Variants in USP53 observed in about 807,000 individuals in gnomAD.
The protein encoded by USP53 is ubiquitin carboxyl-terminal hydrolase 53.
A neutral mutation model predicts 94.9 loss-of-function variants in USP53; 71 were observed. The ratio of observed to expected loss-of-function variants is 0.75; its 90% confidence interval spans 0.62 to 0.91. The LOEUF is 0.91. Among genes scored for constraint, USP53 ranks in the 40% least tolerant of loss-of-function variants. The probability of loss-of-function intolerance (pLI) is 0.00; values close to 1 mark genes in which losing one functional copy is unlikely to be tolerated. For synonymous variants in USP53, 375 were observed against 422.7 expected (o/e 0.89, Z 1.39); for missense variants, 1,173 against 1,281.0 (o/e 0.92, Z 1.29).
At chr4:119,225,473 G>T (rs540518625) in intron 3 of USP53, among the ~76,000 whole-genome samples, 38 of 152,254 alleles carry the variant, frequency 2.5e-4, no homozygotes, top group African/African-American at 8.9e-4. Context: ...ACAGCCAGGC[G>T]TGGTGGCTCA....
intron 17 of USP53, among the ~76,000 whole-genome samples, chr4:119,277,716 T>C: frequency 6.9e-6 from 1 of 145,600 alleles, no homozygotes; most frequent in Middle Eastern, 3.2e-3. Flanking sequence ...AGTCTCCCAT[T>C]ATTAATGTGT....
intron 12 of USP53, among the ~76,000 whole-genome samples, chr4:119,262,421 A>G (rs1400772499): frequency 6.6e-6 from 1 of 152,236 alleles, no homozygotes; most frequent in Non-Finnish European, 1.5e-5. Context: ...AACTGCCAAC[A>G]GCCTACTATT....
chr4:119,236,936 A>G (rs1746844348), intron 4 of USP53, among the ~76,000 whole-genome samples: 1 of 152,152 alleles, frequency 6.6e-6, no homozygotes, highest in Non-Finnish European at 1.5e-5. Flanking sequence ...GCCCAGTTCC[A>G]TCAGAGGAAT....
rs1015544948 is a variant in USP53, at chr4:119,294,122, C to T, written c.*911C>T. 18 of 151,888 alleles carry T rather than the reference C, an allele frequency of 1.2e-4. No homozygotes were observed. Among genetic ancestry groups the T allele is most frequent in the African/African-American group, 4.4e-4 (18 of 41,366 alleles). 9.4% of individuals were successfully genotyped at this position (151,888 alleles called of 1,614,324 possible). On this transcript the variant is annotated 3_prime_UTR_variant, in exon 19 of 19. Transcript: ENST00000692078. The stretch of plus-strand genomic sequence containing the variant: ...AAGGTCTTTATTTTGGTTTGGTTTA[C>T]TTTGGGCTGCTAACCACCAGTGTTA...
At position 119,239,674 on chromosome 4, in the gene USP53, A is replaced by G. The variant is rs1747254289; in HGVS notation, c.-86A>G. The G allele has an allele frequency of 2.2e-5, 32 of 1,436,098 alleles. No individual in the cohort carries two copies. The highest frequency in any genetic ancestry group is 3.0e-5 in the Non-Finnish European group (32 of 1,072,422). 89.0% of individuals were successfully genotyped at this position (1,436,098 alleles called of 1,614,324 possible). On this transcript the variant is annotated 5_prime_UTR_variant, in exon 5 of 19. Coordinates refer to ENST00000692078, the MANE Select transcript of USP53 (RefSeq NM_001371395.1). ...AATAGACTGCAGTGGATTTAATTGG[A>G]CAATTCAAGACATCCATTTTATTGT...
In USP53 at chr4:119,260,658, C is replaced by G. The variant is rs371877998; in HGVS notation, c.822+5C>G. 4 of 1,611,238 alleles carry G rather than the reference C, an allele frequency of 2.5e-6. No homozygotes were observed. The highest frequency in any genetic ancestry group is 1.6e-4 in the Middle Eastern group (1 of 6,064). On this transcript the variant is annotated splice_donor_5th_base_variant and intron_variant, in intron 11 of 18. Transcript: ENST00000692078. Reference sequence around the variant, plus strand: ...ACACATCTTTATCTTCCTGGGGTATCTTATCTATTTTCATTCCCTTCCCTT... The same window carrying G: ...ACACATCTTTATCTTCCTGGGGTATGTTATCTATTTTCATTCCCTTCCCTT...
In USP53 at chr4:119,293,446, T is replaced by C. The variant is rs1754990971; in HGVS notation, c.*235T>C. On this transcript the variant is annotated 3_prime_UTR_variant, in exon 19 of 19. Coordinates refer to ENST00000692078, the MANE Select transcript of USP53 (RefSeq NM_001371395.1). Reference sequence around the variant, plus strand: ...ATCACTATACATATGTATGTGTATATGTGTATACACATATATAATTTTATG... The same window carrying C: ...ATCACTATACATATGTATGTGTATACGTGTATACACATATATAATTTTATG... 2 of 427,264 alleles carry C rather than the reference T, an allele frequency of 4.7e-6. No homozygotes were observed. The highest frequency in any genetic ancestry group is 4.8e-5 in the South Asian group (1 of 20,786). The allele number at this position is 427,264 out of a possible 1,614,324, so 26.5% of individuals were successfully genotyped here.
At chr4:119,215,321 A>G (rs1319588347) in intron 2 of USP53, among the ~76,000 whole-genome samples, 7 of 152,248 alleles carry the variant, frequency 4.6e-5, no homozygotes, top group African/African-American at 1.7e-4. Flanking sequence ...GATAGGAACA[A>G]GAAACGGATG....
intron 3 of USP53, among the ~76,000 whole-genome samples, chr4:119,233,051 C>T (rs912862100): frequency 6.6e-6 from 1 of 151,832 alleles, no homozygotes; most frequent in East Asian, 1.9e-4. Flanking sequence ...TTGTATTTTG[C>T]TAGGAAATTA....
intron 2 of USP53, among the ~76,000 whole-genome samples, chr4:119,215,395 T>C (rs1356336477): frequency 6.6e-6 from 1 of 152,180 alleles, no homozygotes; most frequent in African/African-American, 2.4e-5. Context: ...TATGTAATAT[T>C]GTAATCTTTG....
Position 119,256,287 on chromosome 4 carries a change from C to G in USP53, c.414C>G (p.Ser138Arg). 6.2e-7 allele frequency: 1 copy of G among 1,613,776 alleles called. No homozygotes were observed. Among genetic ancestry groups the G allele is most frequent in the Non-Finnish European group, 8.5e-7 (1 of 1,179,904 alleles). The change falls in exon 8 of 19, where the codon AGC (serine) becomes AGG (arginine). Residue 138 changes from serine to arginine, a missense_variant. Physicochemically the swap from Ser to Arg is moderately radical, Grantham distance 110. Coordinates refer to ENST00000692078, the MANE Select transcript of USP53 (RefSeq NM_001371395.1). ...GGATTCATTTTCACATAGTGCCAAG[C>G]AGAGATGCAGACATGTGTACCTCTA... The part of the protein sequence containing the change: ...LERIHFHIVP[S>R]RDADMCTSKS...
chr4:119,268,435 T>A lies in USP53; in HGVS notation c.1288+15T>A. On this transcript the variant is annotated intron_variant, in intron 14 of 18. Transcript: ENST00000692078. ...GAAAGGACCAGGTATGTGTTTAAAT[T>A]GTCATTTTTACATAGTTCCAAGTGA... 1 of 1,594,432 alleles carries A rather than the reference T, an allele frequency of 6.3e-7. No individual in the cohort carries two copies. The highest frequency in any genetic ancestry group is 8.5e-7 in the Non-Finnish European group (1 of 1,170,772).
At chr4:119,259,152 G>A (rs1335944531) in intron 9 of USP53, among the ~76,000 whole-genome samples, 2 of 151,890 alleles carry the variant, frequency 1.3e-5, no homozygotes, top group Non-Finnish European at 2.9e-5. Context: ...GTGGTGGCAC[G>A]TGCCTGTAAT....
At chr4:119,279,580 T>C (rs1753195485) in intron 17 of USP53, among the ~76,000 whole-genome samples, 1 of 150,854 alleles carries the variant, frequency 6.6e-6, no homozygotes, top group African/African-American at 2.4e-5. Context: ...CCCCCAGAGG[T>C]GGAGCCTACA....
At chr4:119,265,670 AAACAAC>A (rs56113456) in intron 12 of USP53, among the ~76,000 whole-genome samples, 12 of 150,530 alleles carry the variant, frequency 8.0e-5, no homozygotes, top group Admixed American at 3.3e-4. Flanking sequence ...CCTTTTCTCA[AAACAAC>A]AACAACAACA....
chr4:119,245,427 A>G lies in USP53; in HGVS notation c.235A>G (p.Lys79Glu). ...AGATGCCTGTATATTTTGTGCATTG[A>G]AGGTAACCTTTTAATAGCTCTGAAA... ...QGDACIFCAL[K>E]TIFAQFQHSR... is the part of the protein sequence containing the mutation. The change falls in exon 6 of 19, where the codon AAG becomes GAG. Residue 79 changes from lysine to glutamate, a missense_variant and splice_region_variant. By Grantham distance (56) the Lys-to-Glu change is moderately conservative. Transcript: ENST00000692078. The G allele has an allele frequency of 6.2e-7, 1 of 1,613,454 alleles. No homozygotes were observed. The highest frequency in any genetic ancestry group is 1.1e-5 in the South Asian group (1 of 90,996).
chr4:119,227,476 A>C (rs1053574890), intron 3 of USP53, among the ~76,000 whole-genome samples: 1 of 152,062 alleles, frequency 6.6e-6, no homozygotes, highest in Non-Finnish European at 1.5e-5. Context: ...TACAAGTACA[A>C]AAAATTAGCC....
At chr4:119,272,642 T>C (rs1752016527) in intron 16 of USP53, 1 of 152,478 alleles carries the variant, frequency 6.6e-6, no homozygotes, top group African/African-American at 2.4e-5. Flanking sequence ...CCTCAGGTGA[T>C]CCACCTGCCT....
At chr4:119,261,641 C>A in intron 11 of USP53, 74 bp from the exon 12 acceptor site, 3 of 1,230,424 alleles carry the variant, frequency 2.4e-6, no homozygotes, top group Non-Finnish European at 2.3e-6. Context: ...GTGTCAAAGA[C>A]ATGATTCATC....
Sources: allele counts gnomAD v4.1 joint callset (sites outside exome capture counted in the v4.1 genomes callset), GRCh38; gene constraint gnomAD v4.1.1; transcripts MANE v1.5; gene names NCBI Gene and HGNC (gene_info 2026-07-23, HGNC 2026-07-21).